DGKI: variants seen among roughly 807,000 people sequenced by gnomAD.
The protein encoded by DGKI is DAG kinase iota.
DGKI carries 55 observed loss-of-function variants against 147.5 expected under a neutral mutation model. The observed-to-expected ratio is 0.37, with a 90% CI of 0.30 to 0.47. DGKI has a LOEUF of 0.47. Ranked by LOEUF, DGKI falls within the 20% of genes least tolerant of loss-of-function variation. The probability of loss-of-function intolerance (pLI) is 1.00; values close to 1 mark genes in which losing one functional copy is unlikely to be tolerated. For missense variants in DGKI, 1,007 were observed against 1,323.8 expected, an observed-to-expected ratio of 0.76 and a Z score of 3.71; for synonymous variants, 469 against 477.1, an observed-to-expected ratio of 0.98 and a Z score of 0.22.
chr7:137,411,745 T>C (rs573022585), intron 29 of DGKI, among the ~76,000 whole-genome samples: 1 of 152,184 alleles, frequency 6.6e-6, no homozygotes, highest in East Asian at 1.9e-4. Context: ...TGACTAACTA[T>C]GAGAGTCCTT....
rs540268832 is a variant in DGKI at position 137,599,595 on chromosome 7, C to T, written c.1250+228G>A. Among the ~76,000 whole-genome samples the T allele has an allele frequency of 1.4e-4, 22 of 152,262 alleles. No individual in the cohort carries two copies. In the South Asian group the frequency reaches 4.4e-3, roughly 30 times the overall value. On this transcript the variant is annotated intron_variant, in intron 11 of 32. Coordinates refer to ENST00000614521, the MANE Select transcript of DGKI (RefSeq NM_001321708.2). ...GTTACACATACGTAAGTAACAAACA[C>T]ACTAGACGTATCCTGAGTTAATAGC...
At chr7:137,568,878 C>T (rs184877711) in intron 19 of DGKI, among the ~76,000 whole-genome samples, 27 of 149,440 alleles carry the variant, frequency 1.8e-4, no homozygotes, top group African/African-American at 5.2e-4. Context: ...ACTAAATATA[C>T]GAATTAGTAT....
At chr7:137,685,785 C>A (rs1823395130) in intron 2 of DGKI, among the ~76,000 whole-genome samples, 2 of 152,054 alleles carry the variant, frequency 1.3e-5, no homozygotes, top group Non-Finnish European at 2.9e-5. Flanking sequence ...ACTGTGTGCG[C>A]CTTAAAATCT....
At chr7:137,749,642 A>AG (rs1795439654) in intron 1 of DGKI, among the ~76,000 whole-genome samples, 1 of 152,168 alleles carries the variant, frequency 6.6e-6, no homozygotes, top group African/African-American at 2.4e-5. Context: ...AATTTTGTGG[A>AG]CTGAGTGCTT....
At chr7:137,401,055 GTTC>G (rs934353267) in intron 30 of DGKI, among the ~76,000 whole-genome samples, 2 of 152,298 alleles carry the variant, frequency 1.3e-5, no homozygotes, top group East Asian at 3.9e-4. Flanking sequence ...AGACAAGGCT[GTTC>G]TTCTCCTTAT....
At chr7:137,660,693 AT>A (rs1002577087) in intron 3 of DGKI, among the ~76,000 whole-genome samples, 10 of 152,074 alleles carry the variant, frequency 6.6e-5, no homozygotes, top group Middle Eastern at 3.4e-3. Flanking sequence ...CAAGAAAGCT[AT>A]TTTTTTTCTT....
At chr7:137,624,174 C>T (rs1563117917) in intron 6 of DGKI, among the ~76,000 whole-genome samples, 1 of 152,184 alleles carries the variant, frequency 6.6e-6, no homozygotes. Context: ...CTTAAAGGAA[C>T]AAACTGAATT....
chr7:137,561,561 G>A (rs907090657), intron 19 of DGKI, among the ~76,000 whole-genome samples: 1 of 152,080 alleles, frequency 6.6e-6, no homozygotes, highest in Non-Finnish European at 1.5e-5. Flanking sequence ...ACTAGGAGGA[G>A]GATATTAAAT....
intron 1 of DGKI, among the ~76,000 whole-genome samples, chr7:137,747,591 T>G (rs1205787632): frequency 6.6e-6 from 1 of 152,196 alleles, no homozygotes; most frequent in Admixed American, 6.5e-5. Context: ...GCCCCTATAC[T>G]CAGGCCGGCT....
chr7:137,653,823 A>G (rs1822121809), intron 5 of DGKI, among the ~76,000 whole-genome samples: 1 of 152,218 alleles, frequency 6.6e-6, no homozygotes. Flanking sequence ...ACTTTGTCTT[A>G]AGGAGGATAC....
chr7:137,472,251 CATA>C (rs1387892204), intron 23 of DGKI, among the ~76,000 whole-genome samples: 254 of 62,164 alleles, frequency 4.1e-3, no homozygotes, highest in South Asian at 7.2e-3. Context: ...TATATATACA[CATA>C]ATATTATATG....
chr7:137,485,270 T>A, intron 23 of DGKI, 104 bp downstream of exon 23: 1 of 877,258 alleles, frequency 1.1e-6, no homozygotes, highest in Non-Finnish European at 1.8e-6. Context: ...ATGAACTCTA[T>A]CCCTAGGGAA....
intron 6 of DGKI, among the ~76,000 whole-genome samples, chr7:137,640,293 T>A (rs1303902113): frequency 6.6e-6 from 1 of 152,090 alleles, no homozygotes; most frequent in East Asian, 1.9e-4. Context: ...TCAAAACTCA[T>A]AGGAGCAGAG....
chr7:137,576,320 G>A (rs913158048), intron 17 of DGKI, among the ~76,000 whole-genome samples: 1 of 152,018 alleles, frequency 6.6e-6, no homozygotes, highest in Non-Finnish European at 1.5e-5. Flanking sequence ...TTACAGGCAT[G>A]AGCCACCGCG....
intron 26 of DGKI, 121 bp downstream of exon 26, chr7:137,465,784 CACA>C (rs946478858): frequency 5.3e-6 from 7 of 1,323,242 alleles, no homozygotes; most frequent in African/African-American, 1.5e-5. Flanking sequence ...TCTAAGGAAA[CACA>C]ACAAGAAAAT....
At chr7:137,738,090 C>A (rs1439257893) in intron 1 of DGKI, among the ~76,000 whole-genome samples, 2 of 152,124 alleles carry the variant, frequency 1.3e-5, no homozygotes, top group African/African-American at 4.8e-5. Flanking sequence ...TCATTTAATA[C>A]ATTCAATATA....
chr7:137,741,505 C>T (rs1016723227), intron 1 of DGKI, among the ~76,000 whole-genome samples: 1 of 152,224 alleles, frequency 6.6e-6, no homozygotes, highest in Non-Finnish European at 1.5e-5. Flanking sequence ...TCCCTCTGTA[C>T]ACTGACTCCT....
intron 27 of DGKI, among the ~76,000 whole-genome samples, chr7:137,453,964 T>C (rs1035576249): frequency 1.3e-5 from 2 of 152,014 alleles, no homozygotes; most frequent in Admixed American, 6.6e-5. Context: ...TTTAGATATA[T>C]TTGGCTTTTA....
intron 20 of DGKI, among the ~76,000 whole-genome samples, chr7:137,549,300 G>A (rs1415285235): frequency 3.9e-5 from 6 of 152,210 alleles, no homozygotes; most frequent in African/African-American, 1.4e-4. Context: ...CTGGGCTGAA[G>A]ACACAGATCA....
Sources: allele counts gnomAD v4.1 joint callset (sites outside exome capture counted in the v4.1 genomes callset), GRCh38; gene constraint gnomAD v4.1.1; transcripts MANE v1.5; gene names NCBI Gene and HGNC (gene_info 2026-07-23, HGNC 2026-07-21).